TMPO: variants seen among roughly 807,000 people sequenced by gnomAD.
TMPO encodes the protein LEM domain containing 4.
Under a neutral mutation model 45.4 loss-of-function variants are expected in TMPO, and 22 were observed. The ratio of observed to expected loss-of-function variants is 0.48; its 90% CI spans 0.35 to 0.69. The LOEUF is 0.69. Among genes scored for constraint, TMPO ranks in the 30% least tolerant of loss-of-function variants. The pLI is 0.01. For missense variants in TMPO, 512 were observed against 548.8 expected, an observed-to-expected ratio of 0.93 and a Z score of 0.67; for synonymous variants, 241 against 204.1, an observed-to-expected ratio of 1.18 and a Z score of -1.54.
chr12:98,546,897 T>G (rs765101995), intron 8 of TMPO, among the ~76,000 whole-genome samples: 4 of 152,196 alleles, frequency 2.6e-5, no homozygotes, highest in Non-Finnish European at 5.9e-5. Flanking sequence ...AAGTTTCTCT[T>G]TTCTAATTGA....
chr12:98,528,090 A>G, intron 2 of TMPO, 78 bp downstream of exon 2: 2 of 1,564,482 alleles, frequency 1.3e-6, no homozygotes, highest in East Asian at 4.5e-5. Flanking sequence ...TTTGTTTAGC[A>G]GTTTAGGTTC....
intron 1 of TMPO, among the ~76,000 whole-genome samples, chr12:98,519,490 C>T (rs1876162081): frequency 6.6e-6 from 1 of 152,200 alleles, no homozygotes; most frequent in South Asian, 2.1e-4. Flanking sequence ...TGAGCGACGG[C>T]ACCCAGCCCA....
At chr12:98,521,100 ATTTTTTTTT>A (rs398044704) in intron 1 of TMPO, among the ~76,000 whole-genome samples, 4 of 76,756 alleles carry the variant, frequency 5.2e-5, no homozygotes, top group South Asian at 4.4e-4. Flanking sequence ...TTTATGAGGA[ATTTTTTTTT>A]TTTTTTTTTT....
Position 98,515,625 on chromosome 12 carries a change from G to A in TMPO, c.-243G>A. 2 of 690,658 alleles carry A rather than the reference G, an allele frequency of 2.9e-6. No individual in the cohort carries two copies. Among genetic ancestry groups the A allele is most frequent in the Non-Finnish European group, 4.8e-6 (2 of 420,634 alleles). The allele number at this position is 690,658 out of a possible 1,614,324, so 42.8% of individuals were successfully genotyped here. The stretch of plus-strand genomic sequence containing the variant: ...GCTCGCCTCCTGCCTGTAGTGTGTG[G>A]GCTGGGGTTGGTGCGAGCTTCCAGC... On this transcript the variant is annotated 5_prime_UTR_variant, in exon 1 of 9. Coordinates refer to ENST00000556029, the MANE Select transcript of TMPO (RefSeq NM_001032283.3).
At chr12:98,537,679 A>G (rs1360145671) in intron 4 of TMPO, 107 bp downstream of exon 4, 5 of 853,868 alleles carry the variant, frequency 5.9e-6, no homozygotes, top group African/African-American at 5.0e-5. Context: ...AGCACGCTCA[A>G]TAAACTTAAT....
rs144965074 is a variant in TMPO, at chr12:98,546,328, T to C, written c.991-31T>C. On this transcript the variant is annotated intron_variant, in intron 7 of 8. Transcript: ENST00000556029. ...TGCATGTTTACACTAAATTTTAACT[T>C]GTGGTTGTTTGTTTGTCTGTTTCTT... 1.1e-4 allele frequency: 159 copies of C among 1,431,150 alleles called. 1 individual carries two copies. In the African/African-American group the frequency reaches 2.1e-3, roughly 19 times the overall value. The allele number at this position is 1,431,150 out of a possible 1,614,324, so 88.7% of individuals were successfully genotyped here. A position where few individuals can be genotyped will look rare whatever the true frequency, so the allele number is the denominator to read the frequency against.
rs780960696 is a variant in TMPO, at chr12:98,531,993, T to C, written c.565+155T>C. 58 of 642,582 alleles carry C rather than the reference T, an allele frequency of 9.0e-5. No homozygotes were observed. The Middle Eastern group carries it at 1.3e-3, about 14-fold the overall frequency. The allele number at this position is 642,582 out of a possible 1,614,324, so 39.8% of individuals were successfully genotyped here. On this transcript the variant is annotated intron_variant, in intron 3 of 8. Coordinates refer to ENST00000556029, the MANE Select transcript of TMPO (RefSeq NM_001032283.3). ...ATTCTGTAATTTGATTTAAATACTT[T>C]TTATTGAAAATTCTAAGAAGCAACA...
At chr12:98,545,129 G>GTGTT (rs577612551) in intron 7 of TMPO, 68 bp downstream of exon 7, 2 of 649,280 alleles carry the variant, frequency 3.1e-6, no homozygotes, top group African/African-American at 2.2e-5. Context: ...ATATTTGTTT[G>GTGTT]TTTTTTTTTT....
intron 2 of TMPO, among the ~76,000 whole-genome samples, chr12:98,531,285 G>C (rs1213146959): frequency 7.4e-6 from 1 of 135,352 alleles, no homozygotes; most frequent in Non-Finnish European, 1.5e-5. Flanking sequence ...TCCTCTCCCA[G>C]CTGGACAGTG....
Position 98,533,222 on chromosome 12 carries a change from A to C in TMPO, c.565+1384A>C, listed in dbSNP as rs766401550. ...ATTAAAGAAACCACCACTGGTTACTATAAAGACATAGTAGAAAATATTTGC... is the reference window on the plus strand; with the variant it reads ...ATTAAAGAAACCACCACTGGTTACTCTAAAGACATAGTAGAAAATATTTGC... On this transcript the variant is annotated intron_variant, in intron 3 of 8. Transcript: ENST00000556029. The C allele has an allele frequency of 2.5e-6, 4 of 1,614,090 alleles. No individual in the cohort carries two copies. The East Asian group carries it at 8.9e-5, about 36-fold the overall frequency.
In TMPO at chr12:98,529,572, AT is replaced by A. The variant is rs200565419; in HGVS notation, c.406+1571del. Reference sequence around the variant, plus strand: ...GATGAGAAAATTCCATTTTATTATTATTTTTTTTTTTGACAAGGTCTTTGCT... The same window carrying A: ...GATGAGAAAATTCCATTTTATTATTATTTTTTTTTTGACAAGGTCTTTGCT... On this transcript the variant is annotated intron_variant, in intron 2 of 8. Transcript: ENST00000556029. Among the ~76,000 whole-genome samples, 69 of 148,338 alleles carry A rather than the reference AT, an allele frequency of 4.7e-4. 1 individual carries two copies. The highest frequency in any genetic ancestry group is 1.1e-3 in the African/African-American group (43 of 40,642).
At chr12:98,525,197 A>T (rs369274596) in intron 1 of TMPO, among the ~76,000 whole-genome samples, 3 of 152,150 alleles carry the variant, frequency 2.0e-5, no homozygotes, top group African/African-American at 7.2e-5. Context: ...AACTATTTGG[A>T]TATTATGGTG....
intron 1 of TMPO, among the ~76,000 whole-genome samples, chr12:98,524,816 A>C (rs1876645736): frequency 6.6e-6 from 1 of 151,660 alleles, no homozygotes; most frequent in Non-Finnish European, 1.5e-5. Flanking sequence ...CTGGTCTCGA[A>C]CTCCTGACTT....
At chr12:98,522,171 C>T (rs114633456) in intron 1 of TMPO, among the ~76,000 whole-genome samples, 440 of 152,222 alleles carry the variant, frequency 2.9e-3, no homozygotes, top group African/African-American at 0.01. Context: ...TGTGTGCCAC[C>T]ATGCCTAGCT....
intron 4 of TMPO, among the ~76,000 whole-genome samples, chr12:98,540,682 CTA>C (rs1365580929): frequency 1.3e-5 from 2 of 152,286 alleles, no homozygotes; most frequent in Admixed American, 1.3e-4. Context: ...CTGGCGGAAA[CTA>C]TGTTTTAATT....
At chr12:98,523,004 G>A (rs545362530) in intron 1 of TMPO, among the ~76,000 whole-genome samples, 1 of 152,164 alleles carries the variant, frequency 6.6e-6, no homozygotes, top group Non-Finnish European at 1.5e-5. Context: ...AGAGCTGTTG[G>A]GTTTTGAAGT....
chr12:98,527,762 C>A, intron 1 of TMPO, 124 bp from the exon 2 acceptor site: 2 of 1,045,816 alleles, frequency 1.9e-6, no homozygotes, highest in Non-Finnish European at 2.9e-6. Flanking sequence ...AATGGAATTG[C>A]TAAGGCCTAA....
chr12:98,520,063 G>A (rs546870993), intron 1 of TMPO, among the ~76,000 whole-genome samples: 90 of 146,070 alleles, frequency 6.2e-4, no homozygotes, highest in Admixed American at 1.2e-3. Flanking sequence ...GGGTTCAAGC[G>A]ATTCTCCTGC....
chr12:98,516,329 A>T (rs890424231), intron 1 of TMPO, 183 bp downstream of exon 1: 1 of 1,224,710 alleles, frequency 8.2e-7, no homozygotes, highest in Non-Finnish European at 1.0e-6. Context: ...GAGAGGCCAG[A>T]AGTTGGGGCC....
Sources: gnomAD v4.1 joint callset for allele counts (sites outside exome capture counted in the v4.1 genomes callset) on GRCh38, gnomAD v4.1.1 for gene constraint, MANE v1.5 for transcripts, NCBI Gene and HGNC (gene_info 2026-07-23, HGNC 2026-07-21) for gene names.